PAM: variants seen among roughly 807,000 people sequenced by gnomAD.
PAM encodes the protein peptidyl-glycine alpha-amidating monooxygenase.
Under a neutral mutation model 122.1 loss-of-function variants are expected in PAM, and 72 were observed. The ratio of observed to expected loss-of-function variants is 0.59; its 90% confidence interval spans 0.49 to 0.72. PAM has a LOEUF of 0.72. PAM is among the 30% of genes least tolerant of loss of function. The pLI is 0.00. For synonymous variants in PAM, 389 were observed against 404.4 expected (o/e 0.96, Z 0.46); for missense variants, 1,106 against 1,183.7 (o/e 0.93, Z 0.96).
chr5:102,955,055 T>A (rs929411344), intron 12 of PAM, among the ~76,000 whole-genome samples: 3 of 152,108 alleles, frequency 2.0e-5, no homozygotes, highest in African/African-American at 7.2e-5. Context: ...AATGACTTCT[T>A]TGAAGTTTTT....
At chr5:102,847,214 G>C (rs1419830674) in intron 1 of PAM, among the ~76,000 whole-genome samples, 1 of 152,092 alleles carries the variant, frequency 6.6e-6, no homozygotes, top group East Asian at 1.9e-4. Flanking sequence ...CCTTCTGCTG[G>C]AATCACCTGA....
chr5:102,954,606 T>C (rs932826220), intron 12 of PAM, among the ~76,000 whole-genome samples: 1 of 151,964 alleles, frequency 6.6e-6, no homozygotes, highest in Non-Finnish European at 1.5e-5. Context: ...ACTGACAACA[T>C]AGTACTACTA....
chr5:102,933,890 G>A (rs1227065894), intron 7 of PAM, among the ~76,000 whole-genome samples: 1 of 152,142 alleles, frequency 6.6e-6, no homozygotes, highest in Non-Finnish European at 1.5e-5. Flanking sequence ...AAGCATCTGA[G>A]TGCTCCTGAC....
chr5:102,926,454 T>A, intron 6 of PAM, 131 bp from the exon 7 acceptor site: 1 of 605,650 alleles, frequency 1.7e-6, no homozygotes. Context: ...AATGGTATAT[T>A]TCTGTTTTCA....
intron 1 of PAM, among the ~76,000 whole-genome samples, chr5:102,811,938 A>G (rs907057408): frequency 6.6e-6 from 1 of 152,216 alleles, no homozygotes; most frequent in African/African-American, 2.4e-5. Flanking sequence ...ATTTTTATTG[A>G]GAGGCTCACA....
At chr5:102,790,272 C>T (rs1015745296) in intron 1 of PAM, among the ~76,000 whole-genome samples, 4 of 152,032 alleles carry the variant, frequency 2.6e-5, no homozygotes, top group African/African-American at 9.7e-5. Context: ...TGTGTCCTGG[C>T]TATGCCGCAA....
chr5:102,821,051 A>G (rs1205852145), intron 1 of PAM, among the ~76,000 whole-genome samples: 1 of 152,164 alleles, frequency 6.6e-6, no homozygotes, highest in African/African-American at 2.4e-5. Context: ...ACATAGTATG[A>G]ATATATAGAA....
intron 3 of PAM, among the ~76,000 whole-genome samples, chr5:102,872,357 A>C (rs1787804765): frequency 6.6e-6 from 1 of 152,236 alleles, no homozygotes; most frequent in Non-Finnish European, 1.5e-5. Context: ...TAAAATATTG[A>C]TGAAAGAATG....
intron 1 of PAM, among the ~76,000 whole-genome samples, chr5:102,775,521 G>A (rs2149801912): frequency 6.6e-6 from 1 of 152,128 alleles, no homozygotes; most frequent in African/African-American, 2.4e-5. Flanking sequence ...GCCCCAGTGT[G>A]TGTTATTCCC....
At chr5:103,027,851 T>C (rs1785410715) in intron 24 of PAM, among the ~76,000 whole-genome samples, 1 of 152,172 alleles carries the variant, frequency 6.6e-6, no homozygotes, top group African/African-American at 2.4e-5. Flanking sequence ...TAGGTAGTGT[T>C]CTAAATGTGT....
intron 7 of PAM, among the ~76,000 whole-genome samples, chr5:102,937,034 A>C (rs1361167424): frequency 6.6e-6 from 1 of 152,180 alleles, no homozygotes; most frequent in Non-Finnish European, 1.5e-5. Flanking sequence ...GAAAGAAGAA[A>C]ATGCATTTAA....
chr5:102,808,408 G>A (rs1244171366), intron 1 of PAM, among the ~76,000 whole-genome samples: 3 of 152,172 alleles, frequency 2.0e-5, no homozygotes, highest in Non-Finnish European at 4.4e-5. Context: ...ATGTGCATAG[G>A]TGTGTGTGGG....
intron 3 of PAM, among the ~76,000 whole-genome samples, chr5:102,896,197 A>G (rs776262942): frequency 1.2e-4 from 18 of 151,622 alleles, no homozygotes; most frequent in Non-Finnish European, 2.4e-4. Flanking sequence ...TTTTTCCCTC[A>G]TCGTTTGCTC....
At chr5:102,980,993 A>G (rs1769593332) in intron 15 of PAM, among the ~76,000 whole-genome samples, 1 of 152,196 alleles carries the variant, frequency 6.6e-6, no homozygotes, top group South Asian at 2.1e-4. Context: ...GTATATTTTC[A>G]TAAATATGTT....
intron 1 of PAM, among the ~76,000 whole-genome samples, chr5:102,803,151 AAGGAAGGAAG>A (rs1561486660): frequency 1.6e-4 from 1 of 6,388 alleles, no homozygotes; most frequent in Non-Finnish European, 5.7e-4. Context: ...GAAAGAAAGG[AAGGAAGGAAG>A]GAAGGAAGGA....
chr5:102,919,954 T>A (rs1049221525), intron 5 of PAM, among the ~76,000 whole-genome samples: 3 of 152,088 alleles, frequency 2.0e-5, no homozygotes, highest in Non-Finnish European at 4.4e-5. Context: ...TTTTGACTGT[T>A]TCAACAGAAA....
At chr5:102,911,794 C>G (rs1010051996) in intron 4 of PAM, among the ~76,000 whole-genome samples, 1 of 151,788 alleles carries the variant, frequency 6.6e-6, no homozygotes, top group African/African-American at 2.4e-5. Flanking sequence ...ATGTCTTTGC[C>G]TTGTTTAACA....
intron 1 of PAM, among the ~76,000 whole-genome samples, chr5:102,826,496 G>A (rs1032461861): frequency 6.6e-6 from 1 of 152,148 alleles, no homozygotes; most frequent in African/African-American, 2.4e-5. Flanking sequence ...ACATACGGTA[G>A]ATTTTTTTAA....
At chr5:102,950,106 G>A (rs1292059546) in intron 11 of PAM, 128 bp downstream of exon 11, 2 of 627,692 alleles carry the variant, frequency 3.2e-6, no homozygotes, top group Non-Finnish European at 5.7e-6. Context: ...CTGTATAACT[G>A]AGCTGTATAA....
Sources: allele counts gnomAD v4.1 joint callset (sites outside exome capture counted in the v4.1 genomes callset), GRCh38; gene constraint gnomAD v4.1.1; transcripts MANE v1.5; gene names NCBI Gene and HGNC (gene_info 2026-07-23, HGNC 2026-07-21).